The following XPO6 variants were observed in gnomAD, a reference collection of about 807,000 sequenced individuals.
The protein encoded by XPO6 is exportin 6.
A neutral mutation model predicts 130.0 loss-of-function variants in XPO6; 3 were observed. The observed-to-expected ratio is 0.02, with a 90% confidence interval of 0.01 to 0.06. XPO6 has a LOEUF of 0.06. Among genes scored for constraint, XPO6 ranks in the 10% least tolerant of loss-of-function variants. The pLI, the probability that XPO6 is intolerant of heterozygous loss-of-function variation, is 1.00. For missense variants in XPO6, 970 were observed against 1,393.0 expected, an observed-to-expected ratio of 0.70 and a Z score of 4.83; for synonymous variants, 524 against 548.9, an observed-to-expected ratio of 0.95 and a Z score of 0.63.
chr16:28,129,022 G>GGAAA (rs2042615842), intron 12 of XPO6, among the ~76,000 whole-genome samples: 1 of 152,170 alleles, frequency 6.6e-6, no homozygotes, highest in Non-Finnish European at 1.5e-5. Context: ...TACCCAGGAT[G>GGAAA]GAAAACAGCT....
intron 13 of XPO6, among the ~76,000 whole-genome samples, chr16:28,122,988 C>G (rs758253068): frequency 6.6e-6 from 1 of 152,096 alleles, no homozygotes; most frequent in East Asian, 1.9e-4. Flanking sequence ...AGCTGTTGAG[C>G]CCACTGGTTG....
At chr16:28,141,491 G>T (rs1053644327) in intron 9 of XPO6, among the ~76,000 whole-genome samples, 7 of 152,170 alleles carry the variant, frequency 4.6e-5, no homozygotes, top group African/African-American at 1.7e-4. Flanking sequence ...AATCTGTGAG[G>T]AAGGCACAAC....
At chr16:28,121,561 T>C (rs2087238498) in intron 14 of XPO6, 109 bp downstream of exon 14, 1 of 851,362 alleles carries the variant, frequency 1.2e-6, no homozygotes, top group Non-Finnish European at 2.0e-6. Flanking sequence ...TTAAGAGTTT[T>C]TCCCTGATTC....
At chr16:28,113,690 T>C (rs1327903203) in intron 15 of XPO6, among the ~76,000 whole-genome samples, 1 of 152,166 alleles carries the variant, frequency 6.6e-6, no homozygotes, top group Non-Finnish European at 1.5e-5. Flanking sequence ...CCTTTAACCC[T>C]TACTCTAAGA....
At chr16:28,192,262 C>CAA (rs11429447) in intron 1 of XPO6, among the ~76,000 whole-genome samples, 8 of 82,418 alleles carry the variant, frequency 9.7e-5, no homozygotes, top group Non-Finnish European at 1.8e-4. Context: ...GACTCCGTCT[C>CAA]AAAAAAAAAA....
rs1278921982 is a variant in XPO6 at position 28,133,848 on chromosome 16, G to C, written c.1529C>G (p.Ser510Cys). 6.2e-7 allele frequency: 1 copy of C among 1,614,098 alleles called. No individual in the cohort carries two copies. The highest frequency in any genetic ancestry group is 1.1e-5 in the South Asian group (1 of 91,062). ...CCCCGGACAGCACATTACCAGTGTGGAGAAGGCGTGCGTGGGCAGGAGCTC... is the reference window on the plus strand; with the variant it reads ...CCCCGGACAGCACATTACCAGTGTGCAGAAGGCGTGCGTGGGCAGGAGCTC... Reference protein sequence around the residue: ...VMELLPTHAFSTLFPVLQDNL... With the variant: ...VMELLPTHAFCTLFPVLQDNL... The change falls in exon 11 of 24, where the codon TCC becomes TGC. Residue 510 changes from serine to cysteine, a missense_variant. By Grantham distance (112) the Ser-to-Cys change is moderately radical (BLOSUM62 -1). This residue lies in a region of XPO6 where 936 missense variants were observed against 1,306.8 expected (regional missense o/e 0.72). Transcript: ENST00000304658.
At chr16:28,136,475 C>T (rs1223216883) in intron 9 of XPO6, among the ~76,000 whole-genome samples, 1 of 152,194 alleles carries the variant, frequency 6.6e-6, no homozygotes, top group African/African-American at 2.4e-5. Context: ...CTGCCTCGAC[C>T]TCCCAAAGTG....
chr16:28,173,700 A>G (rs912847003), intron 4 of XPO6, among the ~76,000 whole-genome samples: 4 of 152,228 alleles, frequency 2.6e-5, no homozygotes, highest in Non-Finnish European at 4.4e-5. Context: ...CGAAAGCTAC[A>G]TGAGGTTAAA....
intron 23 of XPO6, among the ~76,000 whole-genome samples, chr16:28,100,848 C>T (rs554796044): frequency 2.0e-5 from 3 of 152,076 alleles, no homozygotes; most frequent in South Asian, 2.1e-4. Context: ...CCAGCAGCAC[C>T]CAGCTCCCAC....
rs374908886 is a variant in XPO6 at position 28,175,984 on chromosome 16, G to A, written c.319C>T (p.Arg107Trp). ...AHHKTLPYFIRNKLCKVIVDI... is the reference protein window; with the variant it reads ...AHHKTLPYFIWNKLCKVIVDI... ...ACAATAACTTTGCAGAGCTTGTTCC[G>A]GATAAAGTAAGGTAAGGTTTTATGG... Residue 107 changes from arginine (R) to tryptophan (W), a missense_variant, in exon 4 of 24, where the codon CGG becomes TGG. Around this residue, in one of 4 missense-constraint regions of XPO6, gnomAD observed 936 missense variants for 1,306.8 expected, o/e 0.72. Coordinates refer to ENST00000304658, the MANE Select transcript of XPO6 (RefSeq NM_015171.4). 2 of 1,614,162 alleles carry A rather than the reference G, an allele frequency of 1.2e-6. No homozygotes were observed. The highest frequency in any genetic ancestry group is 1.7e-5 in the Admixed American group (1 of 60,014).
rs980059661 is a variant in XPO6, at chr16:28,123,444, C to T, written c.1767-1682G>A. 8.5e-5 allele frequency among the ~76,000 whole-genome samples: 13 copies of T among 152,178 alleles called. 1 individual carries two copies. Among genetic ancestry groups the T allele is most frequent in the African/African-American group, 2.4e-4 (10 of 41,436 alleles). On this transcript the variant is annotated intron_variant, in intron 13 of 23. Transcript: ENST00000304658. ...CTTTCTGAGTGAAGGGGAAAAAACC[C>T]AAGACCTGGCTAGTTTCTCTCTGCC... is the stretch of plus-strand genomic sequence containing the variant.
intron 12 of XPO6, among the ~76,000 whole-genome samples, chr16:28,131,852 G>A (rs1263684656): frequency 6.6e-6 from 1 of 152,148 alleles, no homozygotes; most frequent in African/African-American, 2.4e-5. Context: ...AAGCAGGCAG[G>A]GCCTGTAAAC....
At chr16:28,192,224 C>T (rs2141891387) in intron 1 of XPO6, among the ~76,000 whole-genome samples, 1 of 141,216 alleles carries the variant, frequency 7.1e-6, no homozygotes, top group Middle Eastern at 4.0e-3. Context: ...GATCGGGCCA[C>T]TGCACTCCAG....
chr16:28,101,673 C>T lies in XPO6; in HGVS notation c.3061G>A (p.Ala1021Thr). ...ACGTTCACAAACTGGAACAGCATGG[C>T]AGTCCGGAAGATCTTCTGCAGGCAG... is the stretch of plus-strand genomic sequence containing the variant. ...KLYHKKIFRT[A>T]MLFQFVNVLL... Residue 1021 changes from alanine (A) to threonine (T), a missense_variant, in exon 23 of 24, where the codon GCC becomes ACC. Ala to Thr is a moderately conservative substitution (Grantham distance 58). Transcript: ENST00000304658. This position sits in a 1 kb window ranked among gnomAD's most constrained non-coding sequence, Gnocchi z 5.4. 6.2e-7 allele frequency: 1 copy of T among 1,608,210 alleles called. No individual in the cohort carries two copies. The highest frequency in any genetic ancestry group is 8.5e-7 in the Non-Finnish European group (1 of 1,175,086).
chr16:28,177,822 AG>A (rs1234641484), intron 2 of XPO6, among the ~76,000 whole-genome samples: 3 of 152,222 alleles, frequency 2.0e-5, no homozygotes, highest in Non-Finnish European at 4.4e-5. Context: ...AAGATAGGAA[AG>A]GAAAAAAATG....
At chr16:28,163,262 G>T (rs1221527870) in intron 6 of XPO6, among the ~76,000 whole-genome samples, 1 of 152,232 alleles carries the variant, frequency 6.6e-6, no homozygotes, top group Non-Finnish European at 1.5e-5. Context: ...TACATGAAAA[G>T]ATTTGCATGA....
At chr16:28,123,277 T>C (rs1194009874) in intron 13 of XPO6, among the ~76,000 whole-genome samples, 1 of 152,042 alleles carries the variant, frequency 6.6e-6, no homozygotes, top group Non-Finnish European at 1.5e-5. Flanking sequence ...AGCTAAATTT[T>C]TTTGTCTTTT....
chr16:28,128,024 G>A (rs1032365164), intron 12 of XPO6, among the ~76,000 whole-genome samples: 2 of 152,150 alleles, frequency 1.3e-5, no homozygotes, highest in Non-Finnish European at 2.9e-5. Flanking sequence ...ACGAACTCAC[G>A]GAACCAATGA....
intron 1 of XPO6, chr16:28,183,538 A>G (rs1290030591): frequency 1.3e-5 from 2 of 152,190 alleles, no homozygotes; most frequent in Admixed American, 6.5e-5. Context: ...TTTCTCAACA[A>G]GAACAAATAA....
Sources: allele counts gnomAD v4.1 joint callset (sites outside exome capture counted in the v4.1 genomes callset), GRCh38; gene constraint gnomAD v4.1.1; regional missense constraint gnomAD v4.1.1; non-coding constraint Gnocchi (gnomAD v3.1); transcripts MANE v1.5; gene names NCBI Gene and HGNC (gene_info 2026-07-23, HGNC 2026-07-21).